OR51A4: variants seen among roughly 807,000 people sequenced by gnomAD.
OR51A4 encodes the protein olfactory receptor family 51 subfamily A member 4, also known as olfactory receptor 51A4.
For synonymous variants in OR51A4, 96 were observed against 141.5 expected (o/e 0.68, Z 2.28); for missense variants, 243 against 364.0 (o/e 0.67, Z 2.70).
Position 4,946,296 on chromosome 11 carries a change from C to T in OR51A4, c.805G>A (p.Val269Ile), listed in dbSNP as rs781014528. 18 of 1,613,708 alleles carry T rather than the reference C, an allele frequency of 1.1e-5. No homozygotes were observed. In the African/African-American group the frequency reaches 2.4e-4, roughly 22 times the overall value. ...LAVVHRFARH[V>I]SPLINVLMAN... ...ATGAGAACATTAATGAGGGGAGAGA[C>T]ATGCCGGGCAAAGCGGTGGACAACG... Residue 269 changes from valine to isoleucine, a missense_variant, in exon 2 of 2, where the codon GTC becomes ATC. Val to Ile is a conservative substitution (Grantham distance 29). Coordinates refer to ENST00000641898, the MANE Select transcript of OR51A4 (RefSeq NM_001005329.2).
At position 4,946,597 on chromosome 11, in the gene OR51A4, C is replaced by T. The variant is rs1846310675; in HGVS notation, c.504G>A (p.Leu168=). Residue 168 remains leucine, a synonymous_variant, in exon 2 of 2, where the codon TTG becomes TTA. Coordinates refer to ENST00000641898, the MANE Select transcript of OR51A4 (RefSeq NM_001005329.2). ...ATAATTGGTTTTTCTTGCAATATCTCAAGTTTCTTAAAGTGAAAGGGAAGG... is the reference window on the plus strand; with the variant it reads ...ATAATTGGTTTTTCTTGCAATATCTTAAGTTTCTTAAAGTGAAAGGGAAGG... ...VLPFPFTLRN[L]RYCKKNQLSH... is the part of the protein sequence containing the mutation. 1.3e-6 allele frequency: 2 copies of T among 1,560,526 alleles called. No homozygotes were observed. Among genetic ancestry groups the T allele is most frequent in the Non-Finnish European group, 1.8e-6 (2 of 1,134,116 alleles).
In OR51A4 at chr11:4,943,476, T is replaced by G. The variant is rs1275337536; in HGVS notation, c.*2683A>C. 4 of 456,138 alleles carry G rather than the reference T, an allele frequency of 8.8e-6. No homozygotes were observed. Among genetic ancestry groups the G allele is most frequent in the Non-Finnish European group, 1.8e-5 (4 of 226,660 alleles). The allele number at this position is 456,138 out of a possible 1,614,324, so 28.3% of individuals were successfully genotyped here. The stretch of plus-strand genomic sequence containing the variant: ...ATCATTTGTTATTTGATAGTTACAT[T>G]TAGACTAAGGTTTTTTTAATGCTTG... On this transcript the variant is annotated 3_prime_UTR_variant, in exon 2 of 2. Transcript: ENST00000641898.
Position 4,943,575 on chromosome 11 carries a change from C to T in OR51A4, c.*2584G>A, listed in dbSNP as rs970161587. On this transcript the variant is annotated 3_prime_UTR_variant, in exon 2 of 2. Transcript: ENST00000641898. The stretch of plus-strand genomic sequence containing the variant: ...CTGTACATTAAAGAATGGTTAGTAG[C>T]GTCTCCGGCCTCTAATCAGTGGAAG... 9 of 426,054 alleles carry T rather than the reference C, an allele frequency of 2.1e-5. No individual in the cohort carries two copies. Among genetic ancestry groups the T allele is most frequent in the East Asian group, 7.1e-5 (1 of 14,080 alleles). 26.4% of individuals were successfully genotyped at this position (426,054 alleles called of 1,614,324 possible).
rs958638231 is a variant in OR51A4, at chr11:4,942,862, C to T, written c.*3297G>A. 3 of 152,138 alleles carry T rather than the reference C, an allele frequency of 2.0e-5. No homozygotes were observed. The highest frequency in any genetic ancestry group is 2.9e-5 in the Non-Finnish European group (2 of 68,036). The allele number at this position is 152,138 out of a possible 1,614,324, so 9.4% of individuals were successfully genotyped here. A position where few individuals can be genotyped will look rare whatever the true frequency, so the allele number is the denominator to read the frequency against. On this transcript the variant is annotated 3_prime_UTR_variant, in exon 2 of 2. Coordinates refer to ENST00000641898, the MANE Select transcript of OR51A4 (RefSeq NM_001005329.2). Reference sequence around the variant, plus strand: ...CTCAAATTCTCAAGCAAGAATAACACATTCAATTAAATGGATTGGGTTGAT... The same window carrying T: ...CTCAAATTCTCAAGCAAGAATAACATATTCAATTAAATGGATTGGGTTGAT...
Position 4,943,963 on chromosome 11 carries a change from T to A in OR51A4, c.*2196A>T, listed in dbSNP as rs188527317. ...GCTATTAAAGCCACCTAATTACTCC[T>A]CATCTTTTTAGTGGAAATGAAGTCT... On this transcript the variant is annotated 3_prime_UTR_variant, in exon 2 of 2. Coordinates refer to ENST00000641898, the MANE Select transcript of OR51A4 (RefSeq NM_001005329.2). 1 of 410,710 alleles carries A rather than the reference T, an allele frequency of 2.4e-6. No individual in the cohort carries two copies. The highest frequency in any genetic ancestry group is 7.2e-5 in the East Asian group (1 of 13,842). The allele number at this position is 410,710 out of a possible 1,614,324, so 25.4% of individuals were successfully genotyped here.
In OR51A4 at chr11:4,943,289, C is replaced by G. The variant is rs1846243068; in HGVS notation, c.*2870G>C. The G allele has an allele frequency of 3.4e-6, 1 of 290,508 alleles. No homozygotes were observed. The highest frequency in any genetic ancestry group is 3.2e-5 in the South Asian group (1 of 31,296). The allele number at this position is 290,508 out of a possible 1,614,324, so 18.0% of individuals were successfully genotyped here. ...CATCCTTTGCATTCATCTTTGTACA[C>G]TTTCATGTGTGATTAATAAGTCTTT... On this transcript the variant is annotated 3_prime_UTR_variant, in exon 2 of 2. Transcript: ENST00000641898.
rs754037540 is a variant in OR51A4 at position 4,943,134 on chromosome 11, T to A, written c.*3025A>T. 5.5e-5 allele frequency: 10 copies of A among 182,044 alleles called. No individual in the cohort carries two copies. The highest frequency in any genetic ancestry group is 9.2e-5 in the Non-Finnish European group (8 of 86,714). 11.3% of individuals were successfully genotyped at this position (182,044 alleles called of 1,614,324 possible). On this transcript the variant is annotated 3_prime_UTR_variant, in exon 2 of 2. Coordinates refer to ENST00000641898, the MANE Select transcript of OR51A4 (RefSeq NM_001005329.2). ...TTTTGTAGTGTTCCATCCCTTACAA[T>A]GTTTTCCCACAAACCTCTCACAAAT... is the stretch of plus-strand genomic sequence containing the variant.
In OR51A4 at chr11:4,944,002, C is replaced by T. The variant is rs1316638108; in HGVS notation, c.*2157G>A. 7.2e-6 allele frequency: 3 copies of T among 418,730 alleles called. No individual in the cohort carries two copies. In the Admixed American group the frequency reaches 8.5e-5, roughly 12 times the overall value. 25.9% of individuals were successfully genotyped at this position (418,730 alleles called of 1,614,324 possible). On this transcript the variant is annotated 3_prime_UTR_variant, in exon 2 of 2. Transcript: ENST00000641898. ...GAAATGAAGTCTTCATATTGGGCTG[C>T]CTATCCGCACACTGGGAGAATATGA...
rs1846269820 is a variant in OR51A4 at position 4,944,822 on chromosome 11, C to T, written c.*1337G>A. 1 of 151,766 alleles carries T rather than the reference C, an allele frequency of 6.6e-6. No homozygotes were observed. The highest frequency in any genetic ancestry group is 1.5e-5 in the Non-Finnish European group (1 of 67,932). 9.4% of individuals were successfully genotyped at this position (151,766 alleles called of 1,614,324 possible). On this transcript the variant is annotated 3_prime_UTR_variant, in exon 2 of 2. Coordinates refer to ENST00000641898, the MANE Select transcript of OR51A4 (RefSeq NM_001005329.2). ...AAAATCATTAGCATCAATGATATGC[C>T]TATATTTGAAATAGACAATTTAAAA...
At position 4,942,988 on chromosome 11, in the gene OR51A4, T is replaced by C. The variant is rs998520149; in HGVS notation, c.*3171A>G. ...CTTAGGTTGTACAGACAAGTAGTTGTCTACTTTAAAAATTACAGTATTGTT... is the reference window on the plus strand; with the variant it reads ...CTTAGGTTGTACAGACAAGTAGTTGCCTACTTTAAAAATTACAGTATTGTT... On this transcript the variant is annotated 3_prime_UTR_variant, in exon 2 of 2. Transcript: ENST00000641898. The C allele has an allele frequency of 2.0e-5, 3 of 152,314 alleles. No individual in the cohort carries two copies. The highest frequency in any genetic ancestry group is 4.8e-5 in the African/African-American group (2 of 41,468). 9.4% of individuals were successfully genotyped at this position (152,314 alleles called of 1,614,324 possible).
In OR51A4 at chr11:4,943,247, C is replaced by A. The variant is rs900024628; in HGVS notation, c.*2912G>T. Reference sequence around the variant, plus strand: ...TCTTTTTAAAAAGTATTTGAACTTGCCTTTTGGTAAGGTTTACATCCTTTG... The same window carrying A: ...TCTTTTTAAAAAGTATTTGAACTTGACTTTTGGTAAGGTTTACATCCTTTG... On this transcript the variant is annotated 3_prime_UTR_variant, in exon 2 of 2. Coordinates refer to ENST00000641898, the MANE Select transcript of OR51A4 (RefSeq NM_001005329.2). The A allele has an allele frequency of 4.3e-5, 8 of 187,630 alleles. No individual in the cohort carries two copies. In the South Asian group the frequency reaches 7.6e-4, roughly 18 times the overall value. The allele number at this position is 187,630 out of a possible 1,614,324, so 11.6% of individuals were successfully genotyped here. A position where few individuals can be genotyped will look rare whatever the true frequency, so the allele number is the denominator to read the frequency against.
In OR51A4 at chr11:4,944,354, C is replaced by G. The variant is rs377107628; in HGVS notation, c.*1805G>C. Reference sequence around the variant, plus strand: ...TAAATCAAACTCTCAGAGCCTCAATCTCTTCAACTAAAATAAATAGGAAAA... The same window carrying G: ...TAAATCAAACTCTCAGAGCCTCAATGTCTTCAACTAAAATAAATAGGAAAA... On this transcript the variant is annotated 3_prime_UTR_variant, in exon 2 of 2. Transcript: ENST00000641898. 1.2e-5 allele frequency: 2 copies of G among 162,852 alleles called. No homozygotes were observed. The highest frequency in any genetic ancestry group is 2.7e-5 in the Non-Finnish European group (2 of 75,144). The allele number at this position is 162,852 out of a possible 1,614,324, so 10.1% of individuals were successfully genotyped here. A position where few individuals can be genotyped will look rare whatever the true frequency, so the allele number is the denominator to read the frequency against.
Position 4,946,130 on chromosome 11 carries a change from A to G in OR51A4, c.*29T>C. On this transcript the variant is annotated 3_prime_UTR_variant, in exon 2 of 2. Transcript: ENST00000641898. ...ATTTACCTTAAATATCTTACCAGAC[A>G]TTTCCAGGTTTTCTGTCACATATGA... The G allele has an allele frequency of 6.3e-7, 1 of 1,584,900 alleles. No homozygotes were observed. Among genetic ancestry groups the G allele is most frequent in the Admixed American group, 1.7e-5 (1 of 59,620 alleles).
rs1419300130 is a variant in OR51A4 at position 4,944,892 on chromosome 11, A to C, written c.*1267T>G. On this transcript the variant is annotated 3_prime_UTR_variant, in exon 2 of 2. Coordinates refer to ENST00000641898, the MANE Select transcript of OR51A4 (RefSeq NM_001005329.2). ...AGAAATATTACTGAACTCCTCAGTG[A>C]ACATCTTTTTCAACAAACATGGTCT... 6.6e-6 allele frequency: 1 copy of C among 152,164 alleles called. No individual in the cohort carries two copies. Among genetic ancestry groups the C allele is most frequent in the Non-Finnish European group, 1.5e-5 (1 of 68,008 alleles). 9.4% of individuals were successfully genotyped at this position (152,164 alleles called of 1,614,324 possible).
chr11:4,943,477 T>C lies in OR51A4; in HGVS notation c.*2682A>G, dbSNP rs1429131025. 1 of 456,276 alleles carries C rather than the reference T, an allele frequency of 2.2e-6. No individual in the cohort carries two copies. Among genetic ancestry groups the C allele is most frequent in the Non-Finnish European group, 4.4e-6 (1 of 226,648 alleles). 28.3% of individuals were successfully genotyped at this position (456,276 alleles called of 1,614,324 possible). ...TCATTTGTTATTTGATAGTTACATT[T>C]AGACTAAGGTTTTTTTAATGCTTGG... On this transcript the variant is annotated 3_prime_UTR_variant, in exon 2 of 2. Transcript: ENST00000641898.
In OR51A4 at chr11:4,946,195, C is replaced by A. The variant is rs1203783373; in HGVS notation, c.906G>T (p.Val302=). 6.2e-7 allele frequency: 1 copy of A among 1,614,002 alleles called. No individual in the cohort carries two copies. Among genetic ancestry groups the A allele is most frequent in the East Asian group, 2.2e-5 (1 of 44,876 alleles). Residue 302 remains valine, a synonymous_variant, in exon 2 of 2, where the codon GTG becomes GTT. Coordinates refer to ENST00000641898, the MANE Select transcript of OR51A4 (RefSeq NM_001005329.2). The stretch of plus-strand genomic sequence containing the variant: ...GTTGACACAATTTTGCTACAACTCT[C>A]ACTCTAATCTGTTTAGTTTTTACAC... ...VYCVKTKQIR[V]RVVAKLCQRK...
In OR51A4 at chr11:4,944,821, C is replaced by T. The variant is rs1846269789; in HGVS notation, c.*1338G>A. 1.3e-5 allele frequency: 2 copies of T among 151,692 alleles called. No homozygotes were observed. Among genetic ancestry groups the T allele is most frequent in the Non-Finnish European group, 2.9e-5 (2 of 67,914 alleles). 9.4% of individuals were successfully genotyped at this position (151,692 alleles called of 1,614,324 possible). On this transcript the variant is annotated 3_prime_UTR_variant, in exon 2 of 2. Coordinates refer to ENST00000641898, the MANE Select transcript of OR51A4 (RefSeq NM_001005329.2). Reference sequence around the variant, plus strand: ...AAAAATCATTAGCATCAATGATATGCCTATATTTGAAATAGACAATTTAAA... The same window carrying T: ...AAAAATCATTAGCATCAATGATATGTCTATATTTGAAATAGACAATTTAAA...
At position 4,945,846 on chromosome 11, in the gene OR51A4, A is replaced by T. The variant is rs148536161; in HGVS notation, c.*313T>A. ...ACTTGGTATAAGAGATTGAATGTAG[A>T]TAATGAGAAATCCAACTTCTGTCAG... On this transcript the variant is annotated 3_prime_UTR_variant, in exon 2 of 2. Transcript: ENST00000641898. 8 of 372,684 alleles carry T rather than the reference A, an allele frequency of 2.1e-5. No individual in the cohort carries two copies. The highest frequency in any genetic ancestry group is 4.0e-5 in the Non-Finnish European group (8 of 202,452). 23.1% of individuals were successfully genotyped at this position (372,684 alleles called of 1,614,324 possible).
chr11:4,946,448 G>A lies in OR51A4; in HGVS notation c.653C>T (p.Ser218Phe), dbSNP rs12271991. The change falls in exon 2 of 2, where the codon TCT becomes TTT. Residue 218 changes from serine (S) to phenylalanine (F), a missense_variant. Transcript: ENST00000641898. ...LMVDFILIAV[S>F]YTLILKTVLG... ...TACAGTCTTGAGGATCAGGGTGTAAGACACAGCAATGAGAATAAAGTCTAC... is the reference window on the plus strand; with the variant it reads ...TACAGTCTTGAGGATCAGGGTGTAAAACACAGCAATGAGAATAAAGTCTAC... 0.12 allele frequency: 146,728 copies of A among 1,191,014 alleles called. 10,071 individuals are homozygous for A. The highest frequency in any genetic ancestry group is 0.21 in the Middle Eastern group (912 of 4,328). 73.8% of individuals were successfully genotyped at this position (1,191,014 alleles called of 1,614,324 possible). A position where few individuals can be genotyped will look rare whatever the true frequency, so the allele number is the denominator to read the frequency against.
Sources: allele counts gnomAD v4.1 joint callset, GRCh38; gene constraint gnomAD v4.1.1; transcripts MANE v1.5; gene names NCBI Gene and HGNC (gene_info 2026-07-23, HGNC 2026-07-21).